The following WWOX variants were observed in gnomAD, a reference collection of about 807,000 sequenced individuals.
The protein encoded by WWOX is WW domain containing oxidoreductase, also known as WW domain-containing oxidoreductase.
Under a neutral mutation model 46.2 loss-of-function variants are expected in WWOX, and 69 were observed. The ratio of observed to expected loss-of-function variants is 1.49; its 90% CI spans 1.23 to 1.82. The LOEUF is 1.82. Among genes scored for constraint, WWOX ranks in the 40% most tolerant of loss-of-function variants. The probability of loss-of-function intolerance (pLI) is 0.00; values close to 1 mark genes in which losing one functional copy is unlikely to be tolerated. For synonymous variants in WWOX, 359 were observed against 202.6 expected (o/e 1.77, Z -6.56); for missense variants, 919 against 542.6 (o/e 1.69, Z -6.89).
At chr16:79,003,891 C>T (rs1033350927) in intron 8 of WWOX, among the ~76,000 whole-genome samples, 3 of 152,142 alleles carry the variant, frequency 2.0e-5, no homozygotes, top group Non-Finnish European at 4.4e-5. Flanking sequence ...CTCCACCTCT[C>T]GATGAGAGGA....
chr16:78,110,001 C>T (rs114283185), intron 3 of WWOX, among the ~76,000 whole-genome samples, 166 bp downstream of exon 3: 41 of 151,612 alleles, frequency 2.7e-4, no homozygotes, highest in East Asian at 1.7e-3. Flanking sequence ...CTTTTAACAT[C>T]GCTAGATTTA....
intron 6 of WWOX, among the ~76,000 whole-genome samples, chr16:78,394,175 A>C (rs1261303704): frequency 6.6e-6 from 1 of 152,180 alleles, no homozygotes; most frequent in Non-Finnish European, 1.5e-5. Flanking sequence ...TGTTTTAGCC[A>C]ACATATCTGC....
chr16:79,090,747 G>C (rs909219289), intron 8 of WWOX, among the ~76,000 whole-genome samples: 9 of 152,202 alleles, frequency 5.9e-5, no homozygotes, highest in African/African-American at 2.2e-4. Context: ...CCAAGGCCAG[G>C]AGGAGAGACT....
chr16:78,907,650 T>A (rs949879796), intron 8 of WWOX, among the ~76,000 whole-genome samples: 1 of 152,220 alleles, frequency 6.6e-6, no homozygotes, highest in African/African-American at 2.4e-5. Context: ...ATTTTCTTAC[T>A]CTTACAATTT....
chr16:78,821,777 C>G (rs1055533093), intron 8 of WWOX, among the ~76,000 whole-genome samples: 1 of 152,192 alleles, frequency 6.6e-6, no homozygotes, highest in Non-Finnish European at 1.5e-5. Flanking sequence ...AGTAACCTAG[C>G]ATAGTGTCAG....
chr16:78,156,726 G>A (rs908691601), intron 4 of WWOX, among the ~76,000 whole-genome samples: 5 of 152,042 alleles, frequency 3.3e-5, no homozygotes, highest in Non-Finnish European at 5.9e-5. Context: ...GAGTTCGAGA[G>A]CAGCCTGGCC....
In WWOX at chr16:78,837,066, C is replaced by T. The variant is rs371538563; in HGVS notation, c.1057-374542C>T. Among the ~76,000 whole-genome samples the T allele has an allele frequency of 3.9e-5, 6 of 151,938 alleles. No homozygotes were observed. In the South Asian group the frequency reaches 1.2e-3, roughly 32 times the overall value. On this transcript the variant is annotated intron_variant, in intron 8 of 8. Coordinates refer to ENST00000566780, the MANE Select transcript of WWOX (RefSeq NM_016373.4). ...CCCAGATTATATTAACAAGAAGTTCCAGAATTGCAGATGGCCCTTTGCTGC... is the reference window on the plus strand; with the variant it reads ...CCCAGATTATATTAACAAGAAGTTCTAGAATTGCAGATGGCCCTTTGCTGC...
At chr16:78,740,414 C>A (rs1328182508) in intron 8 of WWOX, among the ~76,000 whole-genome samples, 2 of 152,150 alleles carry the variant, frequency 1.3e-5, no homozygotes, top group African/African-American at 4.8e-5. Flanking sequence ...TTGGCAGCGT[C>A]CTTTGGCTTG....
intron 8 of WWOX, among the ~76,000 whole-genome samples, chr16:78,435,891 T>C (rs1052438669): frequency 1.3e-5 from 2 of 152,192 alleles, no homozygotes; most frequent in Non-Finnish European, 2.9e-5. Context: ...ATGATGGATA[T>C]AGAATTTCTG....
At chr16:78,143,806 G>C (rs1597260602) in intron 4 of WWOX, among the ~76,000 whole-genome samples, 1 of 128,574 alleles carries the variant, frequency 7.8e-6, no homozygotes, top group African/African-American at 3.0e-5. Context: ...ACATTATAAA[G>C]TATTATATTT....
chr16:78,655,187 G>A (rs972090638), intron 8 of WWOX, among the ~76,000 whole-genome samples: 3 of 152,104 alleles, frequency 2.0e-5, no homozygotes, highest in African/African-American at 7.2e-5. Context: ...CAGTCTGAGA[G>A]TGAAACTGAG....
chr16:79,085,709 C>G (rs551283251), intron 8 of WWOX, among the ~76,000 whole-genome samples: 1 of 152,198 alleles, frequency 6.6e-6, no homozygotes, highest in African/African-American at 2.4e-5. Flanking sequence ...CTTACCAAAA[C>G]CAGTTACCCT....
chr16:78,989,556 A>G (rs559382947), intron 8 of WWOX, among the ~76,000 whole-genome samples: 1 of 152,286 alleles, frequency 6.6e-6, no homozygotes, highest in Non-Finnish European at 1.5e-5. Context: ...CAGCTCTCAA[A>G]AATGTGAACT....
chr16:78,532,077 T>C (rs1444085527), intron 8 of WWOX, among the ~76,000 whole-genome samples: 2 of 151,426 alleles, frequency 1.3e-5, no homozygotes, highest in Non-Finnish European at 2.9e-5. Flanking sequence ...TTTTTTTTTT[T>C]CTTTTTCCCT....
rs146058481 is a variant in WWOX, at chr16:78,556,157, A to T, written c.1056+123405A>T. ...CTTTTTCAAAGACGCAAGAGGGTCA[A>T]TTAGGCCCTCCTTATAATTTTCTGC... is the stretch of plus-strand genomic sequence containing the variant. On this transcript the variant is annotated intron_variant, in intron 8 of 8. Transcript: ENST00000566780. 4.4e-3 allele frequency among the ~76,000 whole-genome samples: 671 copies of T among 152,216 alleles called. 1 individual carries two copies. Among genetic ancestry groups the T allele is most frequent in the Non-Finnish European group, 6.9e-3 (470 of 68,002 alleles).
intron 8 of WWOX, among the ~76,000 whole-genome samples, chr16:78,478,934 A>G (rs929884167): frequency 3.3e-5 from 5 of 151,962 alleles, no homozygotes; most frequent in African/African-American, 9.7e-5. Context: ...TGATATTTCC[A>G]TCATGGCCCC....
At chr16:78,613,769 C>G (rs1364550398) in intron 8 of WWOX, among the ~76,000 whole-genome samples, 1 of 152,132 alleles carries the variant, frequency 6.6e-6, no homozygotes, top group Non-Finnish European at 1.5e-5. Context: ...AGATCCCAAC[C>G]CCTTATCAGA....
chr16:78,833,967 A>T (rs2051904110), intron 8 of WWOX, among the ~76,000 whole-genome samples: 1 of 152,258 alleles, frequency 6.6e-6, no homozygotes, highest in Middle Eastern at 3.2e-3. Flanking sequence ...CTTTGGCTTC[A>T]GCCTCATTGT....
chr16:78,261,086 T>A (rs1338603608), intron 5 of WWOX, among the ~76,000 whole-genome samples: 1 of 151,210 alleles, frequency 6.6e-6, no homozygotes, highest in Non-Finnish European at 1.5e-5. Context: ...TATTCGAAGT[T>A]TTTTTTTGAA....
Sources: allele counts gnomAD v4.1 joint callset (sites outside exome capture counted in the v4.1 genomes callset), GRCh38; gene constraint gnomAD v4.1.1; transcripts MANE v1.5; gene names NCBI Gene and HGNC (gene_info 2026-07-23, HGNC 2026-07-21).